EYS: variants seen among roughly 807,000 people sequenced by gnomAD.
EYS encodes the protein protein eyes shut homolog.
In EYS, 250 loss-of-function variants were observed where a neutral mutation model predicts 282.1. The observed-to-expected ratio is 0.89, with a 90% confidence interval of 0.80 to 0.98. The LOEUF is 0.98. Ranked by LOEUF, EYS falls within the 50% of genes least tolerant of loss-of-function variation. The probability of loss-of-function intolerance (pLI) is 0.00; values close to 1 mark genes in which losing one functional copy is unlikely to be tolerated. For missense variants in EYS, 4,016 were observed against 3,709.0 expected (o/e 1.08, Z -2.15); for synonymous variants, 1,355 against 1,282.9 (o/e 1.06, Z -1.20).
chr6:65,667,931 G>C (rs933046439), intron 1 of EYS, among the ~76,000 whole-genome samples: 1 of 151,898 alleles, frequency 6.6e-6, no homozygotes. Context: ...ATATTCAATG[G>C]TAATGGGGTG....
intron 13 of EYS, among the ~76,000 whole-genome samples, chr6:65,012,924 A>G (rs1771925797): frequency 6.6e-6 from 1 of 151,934 alleles, no homozygotes; most frequent in African/African-American, 2.4e-5. Context: ...AATGCTTAGT[A>G]GTATAGAGAA....
chr6:65,654,375 GA>G (rs1334405410), intron 1 of EYS, among the ~76,000 whole-genome samples: 5 of 151,786 alleles, frequency 3.3e-5, no homozygotes, highest in Admixed American at 3.3e-4. Context: ...TGTAGGAGAG[GA>G]AAACACAACT....
intron 12 of EYS, among the ~76,000 whole-genome samples, chr6:65,242,202 T>C (rs988822230): frequency 6.6e-6 from 1 of 152,082 alleles, no homozygotes; most frequent in African/African-American, 2.4e-5. Context: ...TTTTAGTATA[T>C]TTAGAAATTT....
At chr6:64,686,896 T>TAC (rs1474178519) in intron 22 of EYS, among the ~76,000 whole-genome samples, 3 of 68,608 alleles carry the variant, frequency 4.4e-5, no homozygotes, top group Non-Finnish European at 7.5e-5. Context: ...CACACATATA[T>TAC]ATGTGTATAT....
intron 31 of EYS, among the ~76,000 whole-genome samples, chr6:64,222,425 T>C (rs1001167889): frequency 6.6e-6 from 1 of 152,092 alleles, no homozygotes; most frequent in Non-Finnish European, 1.5e-5. Flanking sequence ...TGTTTTGCCA[T>C]TGTGTAATAA....
chr6:65,109,705 G>C (rs1775156387), intron 12 of EYS, among the ~76,000 whole-genome samples: 1 of 149,806 alleles, frequency 6.7e-6, no homozygotes, highest in Non-Finnish European at 1.5e-5. Context: ...TGTCACAACT[G>C]TGAGCACTGC....
At chr6:64,677,012 CA>C (rs911387394) in intron 22 of EYS, among the ~76,000 whole-genome samples, 1 of 152,032 alleles carries the variant, frequency 6.6e-6, no homozygotes, top group Non-Finnish European at 1.5e-5. Context: ...TGAACTGTTT[CA>C]AAACAAGCGG....
chr6:64,995,385 T>G (rs2150124808), intron 14 of EYS, among the ~76,000 whole-genome samples: 1 of 152,302 alleles, frequency 6.6e-6, no homozygotes, highest in African/African-American at 2.4e-5. Context: ...TCTGTAACTT[T>G]TATAGTAATA....
rs556161034 is a variant in EYS, at chr6:64,296,015, A to G, written c.6191+10955T>C. On this transcript the variant is annotated intron_variant, in intron 30 of 42. Transcript: ENST00000503581. ...TGGCAGCAAAAAATTGTGCATGAGT[A>G]AAAGATCCATTCAAAATGCAGATAG... is the stretch of plus-strand genomic sequence containing the variant. Among the ~76,000 whole-genome samples, 24 of 152,334 alleles carry G rather than the reference A, an allele frequency of 1.6e-4. No homozygotes were observed. The East Asian group carries it at 4.6e-3, about 29-fold the overall frequency.
intron 2 of EYS, among the ~76,000 whole-genome samples, chr6:65,507,418 T>C (rs140071913): frequency 2.3e-3 from 357 of 152,266 alleles, no homozygotes; most frequent in Admixed American, 5.0e-3. Flanking sequence ...TGTTTTTATC[T>C]TTATAGTTTA....
intron 36 of EYS, among the ~76,000 whole-genome samples, chr6:63,818,102 G>T (rs1771229460): frequency 6.6e-6 from 1 of 152,094 alleles, no homozygotes; most frequent in Non-Finnish European, 1.5e-5. Context: ...CCACCTTTTT[G>T]AAATACAATT....
intron 35 of EYS, among the ~76,000 whole-genome samples, chr6:63,878,138 T>C (rs1773029739): frequency 6.6e-6 from 1 of 152,052 alleles, no homozygotes; most frequent in Non-Finnish European, 1.5e-5. Context: ...ATGATGGTGA[T>C]GTACAGATGG....
At position 64,062,412 on chromosome 6, in the gene EYS, C is replaced by A. The variant is rs150216815; in HGVS notation, c.6725+3926G>T. 4.6e-3 allele frequency among the ~76,000 whole-genome samples: 702 copies of A among 152,234 alleles called. 5 individuals carry two copies. The highest frequency in any genetic ancestry group is 0.016 in the African/African-American group (672 of 41,554). On this transcript the variant is annotated intron_variant, in intron 33 of 42. Coordinates refer to ENST00000503581, the MANE Select transcript of EYS (RefSeq NM_001142800.2). ...ACTTTTAAGAAACTTATGTTCTCAG[C>A]CAGGCTTGGTGGCTCACACCTGTAA...
intron 31 of EYS, among the ~76,000 whole-genome samples, chr6:64,153,933 ACT>A (rs1774826241): frequency 6.6e-6 from 1 of 152,186 alleles, no homozygotes; most frequent in South Asian, 2.1e-4. Flanking sequence ...GAGCTGCAAG[ACT>A]CAAAAAATGA....
At chr6:64,797,404 A>G (rs1451495931) in intron 22 of EYS, among the ~76,000 whole-genome samples, 1 of 152,062 alleles carries the variant, frequency 6.6e-6, no homozygotes, top group Non-Finnish European at 1.5e-5. Context: ...TGTTATCTAA[A>G]TACATTTCCA....
chr6:65,132,791 A>G (rs1208877830), intron 12 of EYS, among the ~76,000 whole-genome samples: 2 of 152,054 alleles, frequency 1.3e-5, no homozygotes, highest in Non-Finnish European at 1.5e-5. Flanking sequence ...AGCAGTCAAC[A>G]TAATTCTATA....
intron 30 of EYS, among the ~76,000 whole-genome samples, chr6:64,247,444 C>T (rs1767056344): frequency 6.6e-6 from 1 of 152,030 alleles, no homozygotes; most frequent in Non-Finnish European, 1.5e-5. Flanking sequence ...CATTACCAGC[C>T]AGGATTTGAA....
chr6:63,896,313 T>C (rs1038701677), intron 35 of EYS, among the ~76,000 whole-genome samples: 4 of 152,238 alleles, frequency 2.6e-5, no homozygotes, highest in Non-Finnish European at 1.5e-5. Context: ...TAGGTTGGAC[T>C]TATTTATGTG....
intron 31 of EYS, among the ~76,000 whole-genome samples, chr6:64,145,271 T>C (rs888314251): frequency 6.6e-6 from 1 of 152,192 alleles, no homozygotes; most frequent in African/African-American, 2.4e-5. Flanking sequence ...AACTGCAAAC[T>C]GACAAACATT....
Sources: gnomAD v4.1 joint callset for allele counts (sites outside exome capture counted in the v4.1 genomes callset) on GRCh38, gnomAD v4.1.1 for gene constraint, MANE v1.5 for transcripts, NCBI Gene and HGNC (gene_info 2026-07-23, HGNC 2026-07-21) for gene names.